SEL1L3: variants seen among roughly 807,000 people sequenced by gnomAD.
SEL1L3 encodes the protein SEL1L family member 3.
SEL1L3 carries 76 observed loss-of-function variants against 142.8 expected under a neutral mutation model. The ratio of observed to expected loss-of-function variants is 0.53; its 90% CI spans 0.44 to 0.64. The LOEUF (loss-of-function observed/expected upper bound fraction) is 0.64. SEL1L3 is among the 30% of genes least tolerant of loss of function. The pLI is 0.00. For synonymous variants in SEL1L3, 504 were observed against 519.6 expected (o/e 0.97, Z 0.41); for missense variants, 1,262 against 1,381.7 (o/e 0.91, Z 1.37).
At chr4:25,862,628 C>A in intron 1 of SEL1L3, 47 bp downstream of exon 1, 1 of 1,119,024 alleles carries the variant, frequency 8.9e-7, no homozygotes, top group South Asian at 3.7e-5. Flanking sequence ...CCCGCGTCCC[C>A]GGGGCCCCGC....
At chr4:25,845,616 T>G (rs750484756) in intron 2 of SEL1L3, among the ~76,000 whole-genome samples, 2 of 152,214 alleles carry the variant, frequency 1.3e-5, no homozygotes, top group Non-Finnish European at 2.9e-5. Flanking sequence ...AGAGCTGTTT[T>G]GGGACAGTAC....
chr4:25,723,717 A>C, the SEL1L3 span, among the ~76,000 whole-genome samples: 3 of 152,100 alleles, frequency 2.0e-5, no homozygotes, highest in African/African-American at 7.2e-5. Context: ...CATGCCCCTC[A>C]TCACCACCAC....
At chr4:25,791,659 T>G (rs1359800181) in intron 11 of SEL1L3, among the ~76,000 whole-genome samples, 6 of 151,890 alleles carry the variant, frequency 4.0e-5, no homozygotes, top group African/African-American at 1.5e-4. Flanking sequence ...TTAAGAAGAG[T>G]ATTGAGCACT....
At chr4:25,859,376 G>A (rs954462190) in intron 1 of SEL1L3, among the ~76,000 whole-genome samples, 3 of 152,186 alleles carry the variant, frequency 2.0e-5, no homozygotes, top group African/African-American at 2.4e-5. Context: ...GCATCGTTCC[G>A]TGACTTATCT....
intron 7 of SEL1L3, 86 bp from the exon 8 acceptor site, chr4:25,820,026 G>C (rs2109257697): frequency 7.4e-7 from 1 of 1,351,514 alleles, no homozygotes; most frequent in Admixed American, 2.1e-5. Flanking sequence ...GGTTGACTTT[G>C]TTCTCCCATT....
Position 25,788,127 on chromosome 4 carries a change from C to T in SEL1L3, c.2217+97G>A, listed in dbSNP as rs1711978209. On this transcript the variant is annotated intron_variant, in intron 13 of 23. Coordinates refer to ENST00000399878, the MANE Select transcript of SEL1L3 (RefSeq NM_015187.5). The surrounding 1 kb of genome is among the most constrained non-coding windows in gnomAD (Gnocchi z 5.3). The stretch of plus-strand genomic sequence containing the variant: ...GACAGAAGCATATACTAAATTTCTT[C>T]AGTTATCGACTCCCTGTTTGCCAGC... 1 of 1,178,234 alleles carries T rather than the reference C, an allele frequency of 8.5e-7. No individual in the cohort carries two copies. Among genetic ancestry groups the T allele is most frequent in the East Asian group, 2.3e-5 (1 of 42,614 alleles). The allele number at this position is 1,178,234 out of a possible 1,614,324, so 73.0% of individuals were successfully genotyped here. A position where few individuals can be genotyped will look rare whatever the true frequency, so the allele number is the denominator to read the frequency against.
At chr4:25,725,558 G>A in the SEL1L3 span, among the ~76,000 whole-genome samples, 4 of 152,154 alleles carry the variant, frequency 2.6e-5, no homozygotes, top group African/African-American at 7.2e-5. Flanking sequence ...TCAAGTGATC[G>A]CCTGCCTCGG....
At chr4:25,744,465 T>C (rs1717203384), downstream of SEL1L3, among the ~76,000 whole-genome samples, 1 of 149,298 alleles carries the variant, frequency 6.7e-6, no homozygotes, top group Admixed American at 6.9e-5. Flanking sequence ...GCGATGCTCA[T>C]GCCTCAGCCT....
intron 6 of SEL1L3, among the ~76,000 whole-genome samples, chr4:25,828,686 G>T (rs1038545464): frequency 6.6e-6 from 1 of 151,874 alleles, no homozygotes; most frequent in African/African-American, 2.4e-5. Flanking sequence ...GTAAAATGCC[G>T]GGCCAAGAGT....
intron 9 of SEL1L3, among the ~76,000 whole-genome samples, chr4:25,812,564 T>A (rs1714101036): frequency 1.4e-5 from 2 of 142,896 alleles, no homozygotes; most frequent in Admixed American, 1.4e-4. Flanking sequence ...TACTAAAAAT[T>A]AGCCAGGTGT....
chr4:25,740,407 T>G, the SEL1L3 span, among the ~76,000 whole-genome samples: 1 of 148,496 alleles, frequency 6.7e-6, no homozygotes, highest in African/African-American at 2.5e-5. Flanking sequence ...CACTCTAGCC[T>G]GAGCTACAGA....
At chr4:25,737,479 C>A in the SEL1L3 span, among the ~76,000 whole-genome samples, 28 of 152,142 alleles carry the variant, frequency 1.8e-4, no homozygotes, top group Non-Finnish European at 2.2e-4. Context: ...TCCAGCCTCT[C>A]TTTTTATAGG....
At chr4:25,809,333 C>G (rs1181896395) in intron 9 of SEL1L3, among the ~76,000 whole-genome samples, 1 of 147,978 alleles carries the variant, frequency 6.8e-6, no homozygotes, top group African/African-American at 2.5e-5. Context: ...TTGGTAGAGA[C>G]AGGATTTTGC....
intron 9 of SEL1L3, among the ~76,000 whole-genome samples, chr4:25,814,993 G>A (rs964488596): frequency 7.2e-5 from 11 of 152,144 alleles, no homozygotes; most frequent in African/African-American, 2.7e-4. Flanking sequence ...AGAAAGAGGT[G>A]CTGAAGGCAA....
chr4:25,789,405 C>T (rs1176152724), intron 12 of SEL1L3, among the ~76,000 whole-genome samples: 1 of 151,874 alleles, frequency 6.6e-6, no homozygotes, highest in South Asian at 2.1e-4. Context: ...CATAGCAAGA[C>T]CCCATTTCTA....
intron 22 of SEL1L3, 38 bp from the exon 23 acceptor site, chr4:25,757,644 G>A (rs758606956): frequency 9.6e-6 from 15 of 1,560,472 alleles, no homozygotes; most frequent in Admixed American, 3.9e-5. Flanking sequence ...GACTGACAAA[G>A]GGCAGGGGCC....
chr4:25,861,503 A>T (rs1317214788), intron 1 of SEL1L3, among the ~76,000 whole-genome samples: 1 of 152,240 alleles, frequency 6.6e-6, no homozygotes, highest in Non-Finnish European at 1.5e-5. Context: ...CTGAGTGGCA[A>T]ATTTCTTCAG....
At chr4:25,826,008 A>G (rs1715074013) in intron 6 of SEL1L3, among the ~76,000 whole-genome samples, 1 of 152,042 alleles carries the variant, frequency 6.6e-6, no homozygotes. Flanking sequence ...GTTCTCCTCA[A>G]GCTACCTTAT....
downstream of SEL1L3, among the ~76,000 whole-genome samples, chr4:25,743,740 C>G (rs1436723511): frequency 6.6e-6 from 1 of 152,174 alleles, no homozygotes; most frequent in Admixed American, 6.5e-5. Flanking sequence ...TTTGAATAGA[C>G]TGGGAGGCAG....
Sources: gnomAD v4.1 joint callset for allele counts (sites outside exome capture counted in the v4.1 genomes callset) on GRCh38, gnomAD v4.1.1 for gene constraint, Gnocchi (gnomAD v3.1) non-coding constraint, MANE v1.5 for transcripts, NCBI Gene and HGNC (gene_info 2026-07-23, HGNC 2026-07-21) for gene names.